KPNA1: variants seen among roughly 807,000 people sequenced by gnomAD.
KPNA1 encodes karyopherin subunit alpha 1, also known as importin subunit alpha-5.
In KPNA1, 10 loss-of-function variants were observed where a neutral mutation model predicts 70.5. That is an observed-to-expected ratio of 0.14 (90% CI 0.09 to 0.24). The LOEUF is 0.24. Ranked by LOEUF, KPNA1 falls within the 10% of genes least tolerant of loss-of-function variation. KPNA1 has a pLI of 1.00. For synonymous variants in KPNA1, 192 were observed against 221.9 expected (o/e 0.87, Z 1.20); for missense variants, 397 against 637.9 (o/e 0.62, Z 4.07).
intron 2 of KPNA1, among the ~76,000 whole-genome samples, chr3:122,471,935 A>T (rs763459513): frequency 1.1e-4 from 16 of 152,224 alleles, no homozygotes; most frequent in Non-Finnish European, 2.4e-4. Context: ...CTAACAACAA[A>T]GTGTCTGTGT....
intron 2 of KPNA1, among the ~76,000 whole-genome samples, chr3:122,491,885 G>A (rs562768693): frequency 1.8e-4 from 21 of 115,040 alleles, no homozygotes; most frequent in African/African-American, 5.7e-4. Context: ...TTTTTGAGAC[G>A]GAGTTTCGCT....
intron 12 of KPNA1, among the ~76,000 whole-genome samples, chr3:122,429,830 A>G (rs1300023648): frequency 6.6e-6 from 1 of 152,232 alleles, no homozygotes; most frequent in East Asian, 1.9e-4. Context: ...TGGTGAAAGA[A>G]CAAACAAAAA....
At chr3:122,505,106 C>A (rs1464065561) in intron 1 of KPNA1, among the ~76,000 whole-genome samples, 2 of 151,824 alleles carry the variant, frequency 1.3e-5, no homozygotes, top group Non-Finnish European at 2.9e-5. Context: ...GAGTTCGAGA[C>A]CAGCCTGGCC....
chr3:122,509,291 G>A (rs2076928857), intron 1 of KPNA1, among the ~76,000 whole-genome samples: 1 of 151,434 alleles, frequency 6.6e-6, no homozygotes, highest in African/African-American at 2.4e-5. Flanking sequence ...AGGCAAACAT[G>A]TGAGCAAAAA....
chr3:122,494,673 C>T (rs145111907), intron 2 of KPNA1, among the ~76,000 whole-genome samples: 34 of 152,168 alleles, frequency 2.2e-4, no homozygotes, highest in African/African-American at 8.2e-4. Flanking sequence ...TGAAGAATGA[C>T]ACTGGTAATT....
Position 122,438,315 on chromosome 3 carries a change from G to T in KPNA1, c.997-1020C>A, listed in dbSNP as rs924872140. On this transcript the variant is annotated intron_variant, in intron 10 of 13. Transcript: ENST00000344337. Reference sequence around the variant, plus strand: ...AAGCAGAAGCTACTATATGCGTCCTGTATGGCCTACAAAAACATGAGCCAA... The same window carrying T: ...AAGCAGAAGCTACTATATGCGTCCTTTATGGCCTACAAAAACATGAGCCAA... Among the ~76,000 whole-genome samples, 4 of 152,106 alleles carry T rather than the reference G, an allele frequency of 2.6e-5. No individual in the cohort carries two copies. In the South Asian group the frequency reaches 6.2e-4, roughly 24 times the overall value.
chr3:122,441,946 T>C (rs887807049), intron 10 of KPNA1, 92 bp downstream of exon 10: 7 of 971,920 alleles, frequency 7.2e-6, no homozygotes, highest in Non-Finnish European at 9.8e-6. Flanking sequence ...GTTTCCCTAA[T>C]AATATGGAGT....
chr3:122,486,427 G>C (rs190956031), intron 2 of KPNA1, among the ~76,000 whole-genome samples: 5 of 152,170 alleles, frequency 3.3e-5, no homozygotes, highest in Non-Finnish European at 4.4e-5. Flanking sequence ...ACAGAAAATA[G>C]ATCAGAGGAA....
chr3:122,438,344 A>G (rs1256799410), intron 10 of KPNA1, among the ~76,000 whole-genome samples: 1 of 151,874 alleles, frequency 6.6e-6, no homozygotes, highest in African/African-American at 2.4e-5. Context: ...GAGCCAATTA[A>G]ACCTCTTTTC....
intron 2 of KPNA1, among the ~76,000 whole-genome samples, 166 bp from the exon 3 acceptor site, chr3:122,467,595 A>G (rs1378729238): frequency 6.6e-6 from 1 of 152,150 alleles, no homozygotes; most frequent in African/African-American, 2.4e-5. Flanking sequence ...ATTTCTCCAT[A>G]GTCTTATAAT....
intron 1 of KPNA1, among the ~76,000 whole-genome samples, chr3:122,496,922 T>C (rs2076768590): frequency 2.0e-5 from 3 of 152,234 alleles, no homozygotes; most frequent in Admixed American, 2.0e-4. Flanking sequence ...CAGGCTGGTC[T>C]TGAACTCCTA....
chr3:122,422,862 T>G lies in KPNA1; in HGVS notation c.*4123A>C, dbSNP rs1037278853. ...AATTTGACCTACAGGGAAAACACTC[T>G]GGGACTTCGTTTACCCTTAGTTGAA... On this transcript the variant is annotated 3_prime_UTR_variant, in exon 14 of 14. Transcript: ENST00000344337. The G allele has an allele frequency of 6.6e-6, 1 of 152,256 alleles. No homozygotes were observed. The highest frequency in any genetic ancestry group is 2.4e-5 in the African/African-American group (1 of 41,474). 9.4% of individuals were successfully genotyped at this position (152,256 alleles called of 1,614,324 possible). A position where few individuals can be genotyped will look rare whatever the true frequency, so the allele number is the denominator to read the frequency against.
At chr3:122,491,484 A>G (rs1387738061) in intron 2 of KPNA1, among the ~76,000 whole-genome samples, 1 of 152,256 alleles carries the variant, frequency 6.6e-6, no homozygotes. Flanking sequence ...TTGGTTAAAC[A>G]GGTGAAATCA....
At chr3:122,513,321 ATTCCT>A (rs1185605916) in intron 1 of KPNA1, among the ~76,000 whole-genome samples, 3 of 152,366 alleles carry the variant, frequency 2.0e-5, no homozygotes, top group Non-Finnish European at 2.9e-5. Flanking sequence ...ATAAATGTTA[ATTCCT>A]TTACTTTCTC....
At chr3:122,512,358 T>C (rs1475578802) in intron 1 of KPNA1, among the ~76,000 whole-genome samples, 3 of 152,336 alleles carry the variant, frequency 2.0e-5, no homozygotes, top group Non-Finnish European at 4.4e-5. Context: ...TTGGTAAGTA[T>C]CAGCTCTAGA....
intron 2 of KPNA1, among the ~76,000 whole-genome samples, chr3:122,490,250 TGCCTCAA>T (rs1014184268): frequency 6.6e-6 from 1 of 152,168 alleles, no homozygotes; most frequent in Non-Finnish European, 1.5e-5. Context: ...CTCTGAGCTC[TGCCTCAA>T]GGCAGCGAGG....
chr3:122,442,149 A>C (rs2076072060), intron 9 of KPNA1, 33 bp from the exon 10 acceptor site: 3 of 1,492,846 alleles, frequency 2.0e-6, no homozygotes, highest in Non-Finnish European at 2.8e-6. Context: ...TATAGCAAAC[A>C]GTTCTATCCT....
intron 2 of KPNA1, among the ~76,000 whole-genome samples, chr3:122,467,904 C>T (rs577375011): frequency 2.6e-5 from 4 of 152,210 alleles, no homozygotes; most frequent in Admixed American, 6.5e-5. Context: ...CCAGTGGCAA[C>T]AAATGATGAC....
Position 122,425,105 on chromosome 3 carries a change from G to A in KPNA1, c.*1880C>T, listed in dbSNP as rs755027600. 5.2e-5 allele frequency: 8 copies of A among 152,460 alleles called. No individual in the cohort carries two copies. Among genetic ancestry groups the A allele is most frequent in the Non-Finnish European group, 1.2e-4 (8 of 68,054 alleles). 9.4% of individuals were successfully genotyped at this position (152,460 alleles called of 1,614,324 possible). ...CATCAATAACAAACAGACATCAGAC[G>A]GTATCCATCCCAGAGCACAGACACT... On this transcript the variant is annotated 3_prime_UTR_variant, in exon 14 of 14. Transcript: ENST00000344337.
Sources: gnomAD v4.1 joint callset for allele counts (sites outside exome capture counted in the v4.1 genomes callset) on GRCh38, gnomAD v4.1.1 for gene constraint, MANE v1.5 for transcripts, NCBI Gene and HGNC (gene_info 2026-07-23, HGNC 2026-07-21) for gene names.